The following BRAF variants were observed in gnomAD, a reference collection of about 807,000 sequenced individuals.
The protein encoded by BRAF is serine/threonine-protein kinase B-raf.
Under a neutral mutation model 104.6 loss-of-function variants are expected in BRAF, and 16 were observed. The ratio of observed to expected loss-of-function variants is 0.15; its 90% CI spans 0.10 to 0.23. The LOEUF (loss-of-function observed/expected upper bound fraction) is 0.23. BRAF is among the 10% of genes least tolerant of loss of function. The pLI is 1.00. For synonymous variants in BRAF, 310 were observed against 341.6 expected (o/e 0.91, Z 1.02); for missense variants, 541 against 937.3 (o/e 0.58, Z 5.52).
rs79215738 is a variant in BRAF at position 140,824,901 on chromosome 7, G to A, written c.504+9708C>T. ...ACTAATGTTGAGCGTCTTCTCATGC[G>A]TTTATTACCATCCATATATCTTTGA... On this transcript the variant is annotated intron_variant, in intron 3 of 19. Coordinates refer to ENST00000644969, the MANE Select transcript of BRAF (RefSeq NM_001374258.1). Among the ~76,000 whole-genome samples, 737 of 151,408 alleles carry A rather than the reference G, an allele frequency of 4.9e-3. 6 individuals are homozygous for A. Among genetic ancestry groups the A allele is most frequent in the African/African-American group, 0.017 (700 of 41,266 alleles).
intron 8 of BRAF, among the ~76,000 whole-genome samples, chr7:140,789,086 G>A (rs1380633621): frequency 1.3e-5 from 2 of 151,856 alleles, no homozygotes; most frequent in South Asian, 2.1e-4. Context: ...GCACGCGACT[G>A]TAATCCTAGA....
chr7:140,821,970 T>G (rs896320697), intron 3 of BRAF, among the ~76,000 whole-genome samples: 1 of 151,952 alleles, frequency 6.6e-6, no homozygotes. Flanking sequence ...GAGCTAAACT[T>G]TGGGTACTCA....
At chr7:140,851,135 G>T (rs933846666) in intron 1 of BRAF, among the ~76,000 whole-genome samples, 1 of 152,108 alleles carries the variant, frequency 6.6e-6, no homozygotes, top group African/African-American at 2.4e-5. Context: ...GAATCCAGAA[G>T]TTTAGTGGTT....
intron 1 of BRAF, among the ~76,000 whole-genome samples, chr7:140,883,145 C>T (rs1813144406): frequency 6.6e-6 from 1 of 152,092 alleles, no homozygotes; most frequent in South Asian, 2.1e-4. Flanking sequence ...TATCTCTTGG[C>T]AAACATTCTG....
At chr7:140,815,288 C>T (rs538099615) in intron 3 of BRAF, among the ~76,000 whole-genome samples, 11 of 152,106 alleles carry the variant, frequency 7.2e-5, no homozygotes, top group Admixed American at 1.3e-4. Flanking sequence ...CAGGTGTCTG[C>T]CACCACGCCT....
At position 140,839,644 on chromosome 7, in the gene BRAF, C is replaced by T. The variant is rs553458472; in HGVS notation, c.241-4772G>A. ...ACCCAGGAGGCTGAAGCGGGAGGAT[C>T]GCCTGAGCCCAGGAGGTAGAGGCTG... On this transcript the variant is annotated intron_variant, in intron 2 of 19. Coordinates refer to ENST00000644969, the MANE Select transcript of BRAF (RefSeq NM_001374258.1). Among the ~76,000 whole-genome samples the T allele has an allele frequency of 2.8e-4, 42 of 152,186 alleles. No individual in the cohort carries two copies. In the East Asian group the frequency reaches 7.5e-3, roughly 27 times the overall value.
intron 14 of BRAF, among the ~76,000 whole-genome samples, chr7:140,775,666 G>A (rs73736589): frequency 0.091 from 13,837 of 152,146 alleles, 2,068 homozygotes; most frequent in African/African-American, 0.31. Context: ...AAAGCCTTTA[G>A]ATTCGAACAG....
chr7:140,924,610 C>A lies in BRAF; in HGVS notation c.94G>T (p.Gly32Cys). 1 of 1,523,572 alleles carries A rather than the reference C, an allele frequency of 6.6e-7. No individual in the cohort carries two copies. The highest frequency in any genetic ancestry group is 2.5e-5 in the East Asian group (1 of 40,278). 94.4% of individuals were successfully genotyped at this position (1,523,572 alleles called of 1,614,324 possible). Residue 32 changes from glycine (G) to cysteine (C), a missense_variant, in exon 1 of 20, where the codon GGC becomes TGC. By Grantham distance (159) the Gly-to-Cys change is radical (BLOSUM62 -3). This residue lies in a region of BRAF where 82 missense variants were observed against 65.9 expected (regional missense o/e 1.24). Transcript: ENST00000644969. This position sits in a 1 kb window ranked among gnomAD's most constrained non-coding sequence, Gnocchi z 4.2. ...TCCGCAGCCGAAGAGGCCGCGGCGC[C>A]GGCGCCGGCGCCGGCCTCGGGCTCC... is the stretch of plus-strand genomic sequence containing the variant. ...DMEPEAGAGA[G>C]AAASSAADPA...
downstream of BRAF, chr7:140,719,282 C>T: frequency 1.2e-6 from 1 of 813,902 alleles, no homozygotes; most frequent in Non-Finnish European, 1.5e-6. Context: ...AAACTGCTGA[C>T]TACTTTTGTT....
rs1818663156 is a variant in BRAF at position 140,924,608 on chromosome 7, G to A, written c.96C>T (p.Gly32=). The A allele has an allele frequency of 2.0e-6, 3 of 1,526,528 alleles. No individual in the cohort carries two copies. Among genetic ancestry groups the A allele is most frequent in the Non-Finnish European group, 2.6e-6 (3 of 1,142,876 alleles). The allele number at this position is 1,526,528 out of a possible 1,614,324, so 94.6% of individuals were successfully genotyped here. ...DMEPEAGAGA[G]AAASSAADPA... is the part of the protein sequence containing the mutation. ...GGTCCGCAGCCGAAGAGGCCGCGGCGCCGGCGCCGGCGCCGGCCTCGGGCT... is the reference window on the plus strand; with the variant it reads ...GGTCCGCAGCCGAAGAGGCCGCGGCACCGGCGCCGGCGCCGGCCTCGGGCT... Residue 32 remains glycine (G), a synonymous_variant, in exon 1 of 20, where the codon GGC becomes GGT. Coordinates refer to ENST00000644969, the MANE Select transcript of BRAF (RefSeq NM_001374258.1). This position sits in a 1 kb window ranked among gnomAD's most constrained non-coding sequence, Gnocchi z 4.2.
chr7:140,890,501 T>C (rs1364050659), intron 1 of BRAF, among the ~76,000 whole-genome samples: 2 of 152,180 alleles, frequency 1.3e-5, no homozygotes, highest in Non-Finnish European at 2.9e-5. Context: ...ATTTTTTTTT[T>C]CTAAGCTAAA....
At chr7:140,835,951 A>T (rs1260269749) in intron 2 of BRAF, 2 of 152,142 alleles carry the variant, frequency 1.3e-5, no homozygotes, top group Non-Finnish European at 2.9e-5. Context: ...GTGTATTTTT[A>T]TTTGTGTAAC....
At chr7:140,887,718 A>G (rs562765266) in intron 1 of BRAF, among the ~76,000 whole-genome samples, 1 of 151,938 alleles carries the variant, frequency 6.6e-6, no homozygotes, top group Non-Finnish European at 1.5e-5. Flanking sequence ...TCAGCATTTA[A>G]TATTTATTTT....
At chr7:140,734,134 C>G in intron 19 of BRAF, 1 of 1,058,934 alleles carries the variant, frequency 9.4e-7, no homozygotes, top group African/African-American at 1.6e-5. Context: ...TTATTAAATT[C>G]TACTGACTTC....
At chr7:140,811,469 T>G (rs569401445) in intron 3 of BRAF, among the ~76,000 whole-genome samples, 1 of 152,150 alleles carries the variant, frequency 6.6e-6, no homozygotes, top group Non-Finnish European at 1.5e-5. Flanking sequence ...GGAGCTTATA[T>G]GTCTAGCTGA....
chr7:140,715,448 C>T (rs141311596), downstream of BRAF, among the ~76,000 whole-genome samples: 325 of 152,332 alleles, frequency 2.1e-3, 1 homozygote, highest in Non-Finnish European at 3.4e-3. Context: ...CCCCATCCCT[C>T]ATGACCGCCC....
Position 140,756,006 on chromosome 7 carries a change from C to T in BRAF, c.1815-1773G>A, listed in dbSNP as rs754969132. ...AAGAGGGGAAGATAAAGGTGTTCTC[C>T]ATGGGATGGTGTTAATCCTTTCAAC... On this transcript the variant is annotated intron_variant, in intron 14 of 19. Transcript: ENST00000644969. Among the ~76,000 whole-genome samples the T allele has an allele frequency of 4.3e-4, 65 of 151,994 alleles. 1 individual carries two copies. Among genetic ancestry groups the T allele is most frequent in the Non-Finnish European group, 8.8e-5 (6 of 68,010 alleles).
intron 3 of BRAF, among the ~76,000 whole-genome samples, chr7:140,821,363 G>A (rs1213265226): frequency 6.8e-6 from 1 of 147,414 alleles, no homozygotes; most frequent in Non-Finnish European, 1.5e-5. Flanking sequence ...GCAGTGGTGG[G>A]ATCTCAGCTC....
chr7:140,836,920 C>A (rs1562986798), intron 2 of BRAF, among the ~76,000 whole-genome samples: 1 of 152,120 alleles, frequency 6.6e-6, no homozygotes, highest in African/African-American at 2.4e-5. Flanking sequence ...ACAAAATAAA[C>A]CTTAGGAAAA....
Sources: allele counts gnomAD v4.1 joint callset (sites outside exome capture counted in the v4.1 genomes callset), GRCh38; gene constraint gnomAD v4.1.1; regional missense constraint gnomAD v4.1.1; non-coding constraint Gnocchi (gnomAD v3.1); transcripts MANE v1.5; gene names NCBI Gene and HGNC (gene_info 2026-07-23, HGNC 2026-07-21).